MYOM2: variants seen among roughly 807,000 people sequenced by gnomAD.
The protein encoded by MYOM2 is myomesin 2.
MYOM2 carries 254 observed loss-of-function variants against 187.6 expected under a neutral mutation model. The observed-to-expected ratio is 1.35, with a 90% CI of 1.22 to 1.50. The LOEUF (loss-of-function observed/expected upper bound fraction) is 1.50, where lower values mean the gene tolerates loss of function less well. Ranked by LOEUF, MYOM2 falls within the 40% of genes most tolerant of loss-of-function variation. The pLI, the probability that MYOM2 is intolerant of heterozygous loss-of-function variation, is 0.00. For synonymous variants in MYOM2, 981 were observed against 753.8 expected (o/e 1.30, Z -4.94); for missense variants, 2,796 against 1,924.0 (o/e 1.45, Z -8.48).
Position 2,144,655 on chromosome 8 carries a change from C to A in MYOM2, c.4081-9C>A. The A allele has an allele frequency of 6.2e-7, 1 of 1,612,066 alleles. No homozygotes were observed. The highest frequency in any genetic ancestry group is 1.1e-5 in the South Asian group (1 of 90,930). On this transcript the variant is annotated splice_polypyrimidine_tract_variant and intron_variant, in intron 36 of 36. Transcript: ENST00000262113. ...CTCTTCCTTCTCCACCAACCTCTTCCGTCCAAAGACCTTGAATCTGACCTG... is the reference window on the plus strand; with the variant it reads ...CTCTTCCTTCTCCACCAACCTCTTCAGTCCAAAGACCTTGAATCTGACCTG...
chr8:2,078,997 T>C, intron 12 of MYOM2, 64 bp downstream of exon 12: 1 of 1,518,422 alleles, frequency 6.6e-7, no homozygotes, highest in Non-Finnish European at 9.1e-7. Flanking sequence ...GTGTGTGATT[T>C]GTTGTCTCTT....
chr8:2,127,633 G>C (rs1270197858), intron 31 of MYOM2: 1 of 154,768 alleles, frequency 6.5e-6, no homozygotes, highest in East Asian at 2.1e-4. Context: ...GCGTGACGCG[G>C]TGACGCAGCC....
intron 33 of MYOM2, 66 bp downstream of exon 33, chr8:2,140,952 A>G: frequency 6.7e-7 from 1 of 1,493,232 alleles, no homozygotes; most frequent in African/African-American, 1.4e-5. Context: ...TGCTGAAGGG[A>G]GGGAATACAA....
intron 1 of MYOM2, among the ~76,000 whole-genome samples, chr8:2,047,357 T>C (rs1818343044): frequency 6.6e-6 from 1 of 152,066 alleles, no homozygotes; most frequent in Non-Finnish European, 1.5e-5. Context: ...GTGAAGAGAT[T>C]GCGGAGGGGA....
At chr8:2,074,763 A>G (rs935052461) in intron 10 of MYOM2, among the ~76,000 whole-genome samples, 5 of 152,126 alleles carry the variant, frequency 3.3e-5, no homozygotes, top group African/African-American at 1.2e-4. Context: ...GGCCCCACCT[A>G]CGCTTTTATC....
At chr8:2,052,685 A>G (rs1818532840) in intron 3 of MYOM2, among the ~76,000 whole-genome samples, 1 of 152,216 alleles carries the variant, frequency 6.6e-6, no homozygotes, top group African/African-American at 2.4e-5. Context: ...ACAGAGCAGG[A>G]TAAGCACACA....
rs531622788 is a variant in MYOM2, at chr8:2,103,262, G to A, written c.2734+481G>A. 3.4e-5 allele frequency among the ~76,000 whole-genome samples: 5 copies of A among 148,164 alleles called. No homozygotes were observed. In the East Asian group the frequency reaches 6.3e-4, roughly 19 times the overall value. On this transcript the variant is annotated intron_variant, in intron 21 of 36. Coordinates refer to ENST00000262113, the MANE Select transcript of MYOM2 (RefSeq NM_003970.4). The stretch of plus-strand genomic sequence containing the variant: ...TATATGGATAAATGAGTGAGAGAGT[G>A]TGCATGTATTATGTGTATATGTGTA...
chr8:2,076,227 T>C lies in MYOM2; in HGVS notation c.1207T>C (p.Trp403Arg). ...CAACCGGGACTACGTCATCGTGACCTGGAAGCCGCCCAACACCACCACTGA... is the reference window on the plus strand; with the variant it reads ...CAACCGGGACTACGTCATCGTGACCCGGAAGCCGCCCAACACCACCACTGA... ...DANRDYVIVT[W>R]KPPNTTTESP... The change falls in exon 11 of 37, where the codon TGG (tryptophan) becomes CGG (arginine). Residue 403 changes from tryptophan (W) to arginine (R), a missense_variant. Coordinates refer to ENST00000262113, the MANE Select transcript of MYOM2 (RefSeq NM_003970.4). 6.2e-7 allele frequency: 1 copy of C among 1,613,700 alleles called. No homozygotes were observed. Among genetic ancestry groups the C allele is most frequent in the East Asian group, 2.2e-5 (1 of 44,882 alleles).
At chr8:2,136,444 T>C (rs1300099365) in intron 32 of MYOM2, among the ~76,000 whole-genome samples, 1 of 152,208 alleles carries the variant, frequency 6.6e-6, no homozygotes, top group East Asian at 1.9e-4. Flanking sequence ...ATTCCTTCAT[T>C]ACAGTGGTTT....
chr8:2,097,635 C>A (rs1796539857), intron 18 of MYOM2, among the ~76,000 whole-genome samples: 1 of 152,148 alleles, frequency 6.6e-6, no homozygotes, highest in Non-Finnish European at 1.5e-5. Context: ...CTGCCTTAGC[C>A]TCCTGAGTAG....
rs1195972724 is a variant in MYOM2 at position 2,117,956 on chromosome 8, A to G, written c.3453+4A>G. 1 of 1,611,574 alleles carries G rather than the reference A, an allele frequency of 6.2e-7. No homozygotes were observed. The highest frequency in any genetic ancestry group is 2.2e-5 in the East Asian group (1 of 44,838). ...TGAAGTTCGACTTGTTTGCAAGGTGAGAAACCCGGTTCTAACAGGAAAACA... is the reference window on the plus strand; with the variant it reads ...TGAAGTTCGACTTGTTTGCAAGGTGGGAAACCCGGTTCTAACAGGAAAACA... On this transcript the variant is annotated splice_donor_region_variant and intron_variant, in intron 28 of 36. Transcript: ENST00000262113.
chr8:2,062,916 A>T (rs1585835939), intron 6 of MYOM2, among the ~76,000 whole-genome samples: 1 of 152,204 alleles, frequency 6.6e-6, no homozygotes, highest in African/African-American at 2.4e-5. Flanking sequence ...TAAACTTTAC[A>T]TTGGGCACCA....
chr8:2,065,566 T>C (rs1045285351), intron 6 of MYOM2, among the ~76,000 whole-genome samples: 3 of 152,112 alleles, frequency 2.0e-5, no homozygotes, highest in African/African-American at 4.8e-5. Context: ...TGAGACTCCA[T>C]CTCAACAAAA....
At chr8:2,127,701 CGGCGTGACGCGGTGACGCAGCCGCAG>C (rs1797702176) in intron 31 of MYOM2, 9 of 127,984 alleles carry the variant, frequency 7.0e-5, no homozygotes, top group Non-Finnish European at 1.2e-4. Flanking sequence ...GGCAGTACCT[CGGCGTGACGCGGTGACGCAGCCGCAG>C]GCAGGCAGTA....
chr8:2,074,191 G>A (rs1318000426), intron 10 of MYOM2, among the ~76,000 whole-genome samples: 2 of 152,180 alleles, frequency 1.3e-5, no homozygotes, highest in Admixed American at 6.5e-5. Context: ...CAGCCTATAG[G>A]TGTGCATGTA....
chr8:2,108,899 T>G, intron 24 of MYOM2, 69 bp downstream of exon 24: 2 of 1,484,322 alleles, frequency 1.3e-6, no homozygotes, highest in Non-Finnish European at 1.9e-6. Flanking sequence ...CATTAATGCA[T>G]GAGCTCTTGG....
At chr8:2,073,249 C>A in intron 9 of MYOM2, 90 bp from the exon 10 acceptor site, 1 of 1,434,156 alleles carries the variant, frequency 7.0e-7, no homozygotes, top group Non-Finnish European at 9.5e-7. Flanking sequence ...CTGTCCTGTC[C>A]CGCTCTGAGA....
intron 28 of MYOM2, 33 bp from the exon 29 acceptor site, chr8:2,123,219 T>C: frequency 7.2e-7 from 1 of 1,387,486 alleles, no homozygotes; most frequent in Non-Finnish European, 1.0e-6. Flanking sequence ...TCAGAATGAT[T>C]TACACACTAA....
At chr8:2,112,174 T>C (rs1797088628) in intron 25 of MYOM2, among the ~76,000 whole-genome samples, 1 of 152,188 alleles carries the variant, frequency 6.6e-6, no homozygotes, top group Non-Finnish European at 1.5e-5. Flanking sequence ...AACAGTCAGA[T>C]GTGAAGTTGC....
Sources: allele counts gnomAD v4.1 joint callset (sites outside exome capture counted in the v4.1 genomes callset), GRCh38; gene constraint gnomAD v4.1.1; transcripts MANE v1.5; gene names NCBI Gene and HGNC (gene_info 2026-07-23, HGNC 2026-07-21).